The following KCNIP4 variants were observed in gnomAD, a reference collection of about 807,000 sequenced individuals.
The protein encoded by KCNIP4 is Kv channel-interacting protein 4.
A neutral mutation model predicts 34.0 loss-of-function variants in KCNIP4; 12 were observed. That is an observed-to-expected ratio of 0.35 (90% CI 0.23 to 0.57). The LOEUF (loss-of-function observed/expected upper bound fraction) is 0.57, where lower values mean the gene tolerates loss of function less well. Among genes scored for constraint, KCNIP4 ranks in the 20% least tolerant of loss-of-function variants. The pLI, the probability that KCNIP4 is intolerant of heterozygous loss-of-function variation, is 0.83. For synonymous variants in KCNIP4, 124 were observed against 102.2 expected (o/e 1.21, Z -1.29); for missense variants, 238 against 311.7 (o/e 0.76, Z 1.78).
chr4:20,989,014 C>T (rs188011899), intron 1 of KCNIP4, among the ~76,000 whole-genome samples: 1 of 152,334 alleles, frequency 6.6e-6, no homozygotes, highest in East Asian at 1.9e-4. Context: ...CAATTTACCA[C>T]CCTAGAAGCC....
chr4:21,186,186 T>C (rs888481284), intron 1 of KCNIP4, among the ~76,000 whole-genome samples: 1 of 152,194 alleles, frequency 6.6e-6, no homozygotes, highest in African/African-American at 2.4e-5. Context: ...TATAATACTA[T>C]TTTAAGAACT....
At chr4:21,538,115 G>T (rs1415964728) in intron 1 of KCNIP4, among the ~76,000 whole-genome samples, 1 of 151,112 alleles carries the variant, frequency 6.6e-6, no homozygotes, top group Admixed American at 6.6e-5. Flanking sequence ...AGATTGGAGC[G>T]ATGCATTTAT....
chr4:21,261,965 A>G (rs1376331528), intron 1 of KCNIP4, among the ~76,000 whole-genome samples: 1 of 152,180 alleles, frequency 6.6e-6, no homozygotes, highest in African/African-American at 2.4e-5. Flanking sequence ...ACTGACTGCA[A>G]TCTGAATCAA....
intron 1 of KCNIP4, among the ~76,000 whole-genome samples, chr4:21,779,650 T>A (rs1719447388): frequency 6.6e-6 from 1 of 152,098 alleles, no homozygotes; most frequent in African/African-American, 2.4e-5. Flanking sequence ...ACGTCTGTAA[T>A]CCCAGTGCTT....
At chr4:21,292,948 T>G (rs556375151) in intron 1 of KCNIP4, among the ~76,000 whole-genome samples, 1 of 152,242 alleles carries the variant, frequency 6.6e-6, no homozygotes, top group African/African-American at 2.4e-5. Flanking sequence ...AATGAATGAA[T>G]GAATGGATGA....
At chr4:21,123,136 C>T (rs752967764) in intron 1 of KCNIP4, among the ~76,000 whole-genome samples, 62 of 152,158 alleles carry the variant, frequency 4.1e-4, no homozygotes, top group Admixed American at 1.0e-3. Context: ...ATGGCGTGAA[C>T]CTGGAAGGCG....
In KCNIP4 at chr4:21,370,830, TATATATATATATATATATATACAC is replaced by T. The variant is rs1231137104; in HGVS notation, c.62-488145_62-488122del. Among the ~76,000 whole-genome samples the T allele has an allele frequency of 8.7e-3, 289 of 33,046 alleles. 4 individuals are homozygous for T. The highest frequency in any genetic ancestry group is 0.065 in the East Asian group (35 of 542). The allele number at this position is 33,046 out of a possible 152,430, so 21.7% of individuals were successfully genotyped here. On this transcript the variant is annotated intron_variant, in intron 1 of 8. Transcript: ENST00000382152. ...ATATATATATATATATATATATATA[TATATATATATATATATATATACAC>T]ACACACACACACACACACACACACA...
At chr4:20,835,018 A>G (rs963953417) in intron 3 of KCNIP4, among the ~76,000 whole-genome samples, 5 of 152,134 alleles carry the variant, frequency 3.3e-5, no homozygotes, top group African/African-American at 1.2e-4. Flanking sequence ...GAGCTTCCCT[A>G]GATTCTTTTA....
intron 2 of KCNIP4, among the ~76,000 whole-genome samples, chr4:20,878,098 A>G (rs1724262820): frequency 6.6e-6 from 1 of 152,130 alleles, no homozygotes; most frequent in Non-Finnish European, 1.5e-5. Flanking sequence ...TGAAGACAGC[A>G]GGCTATGGAG....
At position 21,838,876 on chromosome 4, in the gene KCNIP4, A is replaced by G. The variant is rs144578246; in HGVS notation, c.61+109695T>C. Among the ~76,000 whole-genome samples the G allele has an allele frequency of 7.3e-3, 1,119 of 152,308 alleles. 10 individuals carry two copies. The highest frequency in any genetic ancestry group is 0.01 in the Admixed American group (156 of 15,306). ...AAATGAACTAAATTTTTTCTCTTGA[A>G]TATCTCATTCCCTATTACTCATAAT... On this transcript the variant is annotated intron_variant, in intron 1 of 8. Transcript: ENST00000382152.
chr4:21,714,663 C>T (rs1714010673), intron 1 of KCNIP4, among the ~76,000 whole-genome samples: 1 of 151,888 alleles, frequency 6.6e-6, no homozygotes, highest in Admixed American at 6.6e-5. Context: ...CTCTCAACTT[C>T]CTTCCCCATT....
At chr4:21,446,598 G>A (rs1325220364) in intron 1 of KCNIP4, among the ~76,000 whole-genome samples, 2 of 133,934 alleles carry the variant, frequency 1.5e-5, no homozygotes, top group Non-Finnish European at 3.1e-5. Context: ...ACACAGGAAG[G>A]GGAACATCAC....
At chr4:21,796,089 T>A (rs1720605854) in intron 1 of KCNIP4, among the ~76,000 whole-genome samples, 1 of 152,102 alleles carries the variant, frequency 6.6e-6, no homozygotes, top group South Asian at 2.1e-4. Flanking sequence ...TAAATAAAAA[T>A]TAAACCCTAA....
intron 1 of KCNIP4, among the ~76,000 whole-genome samples, chr4:21,657,093 T>C (rs1560598963): frequency 6.6e-6 from 1 of 152,184 alleles, no homozygotes; most frequent in African/African-American, 2.4e-5. Context: ...GTGTGATGAA[T>C]AATAATAACA....
chr4:21,302,291 T>C (rs764915706), intron 1 of KCNIP4, among the ~76,000 whole-genome samples: 16 of 152,144 alleles, frequency 1.1e-4, no homozygotes, highest in Non-Finnish European at 2.1e-4. Context: ...GTAGGTGTCA[T>C]CACCAAATCC....
intron 1 of KCNIP4, among the ~76,000 whole-genome samples, chr4:21,481,314 A>G (rs1560447586): frequency 2.6e-5 from 4 of 152,226 alleles, no homozygotes; most frequent in African/African-American, 4.8e-5. Context: ...GGAAAAGGTG[A>G]GTCCCTCACA....
chr4:21,342,540 A>G (rs917318110), intron 1 of KCNIP4, among the ~76,000 whole-genome samples: 7 of 152,138 alleles, frequency 4.6e-5, no homozygotes, highest in African/African-American at 1.7e-4. Context: ...TCCTCTGACA[A>G]TAAATCCACT....
chr4:21,681,238 C>A (rs940582937), intron 1 of KCNIP4, among the ~76,000 whole-genome samples: 30 of 151,910 alleles, frequency 2.0e-4, no homozygotes, highest in Non-Finnish European at 4.4e-4. Flanking sequence ...GTAGCTGGGA[C>A]AACGTGCGTG....
chr4:21,728,318 G>A (rs1715344726), intron 1 of KCNIP4, among the ~76,000 whole-genome samples: 1 of 152,082 alleles, frequency 6.6e-6, no homozygotes, highest in Non-Finnish European at 1.5e-5. Context: ...CTCAGGTTAA[G>A]TCAAATAAGG....
Sources: allele counts gnomAD v4.1 joint callset (sites outside exome capture counted in the v4.1 genomes callset), GRCh38; gene constraint gnomAD v4.1.1; transcripts MANE v1.5; gene names NCBI Gene and HGNC (gene_info 2026-07-23, HGNC 2026-07-21).